Variants in KSR1 observed in about 807,000 individuals in gnomAD.
KSR1 encodes kinase suppressor of ras.
A neutral mutation model predicts 92.9 loss-of-function variants in KSR1; 35 were observed. The ratio of observed to expected loss-of-function variants is 0.38; its 90% CI spans 0.29 to 0.50. KSR1 has a LOEUF of 0.50. Ranked by LOEUF, KSR1 falls within the 20% of genes least tolerant of loss-of-function variation. KSR1 has a pLI of 0.94. For synonymous variants in KSR1, 467 were observed against 472.6 expected (o/e 0.99, Z 0.15); for missense variants, 972 against 1,158.5 (o/e 0.84, Z 2.34).
chr17:27,476,156 G>T (rs941543466), intron 1 of KSR1, among the ~76,000 whole-genome samples: 2 of 152,234 alleles, frequency 1.3e-5, no homozygotes, highest in South Asian at 2.1e-4. Flanking sequence ...CTCCTGCCCC[G>T]GGGGGACCAT....
chr17:27,492,704 G>A (rs1029461502), intron 1 of KSR1, among the ~76,000 whole-genome samples: 25 of 152,150 alleles, frequency 1.6e-4, no homozygotes, highest in African/African-American at 4.6e-4. Flanking sequence ...ATCCCTTCAT[G>A]CTGGCCACCA....
intron 1 of KSR1, among the ~76,000 whole-genome samples, chr17:27,469,993 AGTGTGTGTGT>A (rs145390989): frequency 4.4e-4 from 62 of 139,646 alleles, no homozygotes; most frequent in Middle Eastern, 3.5e-3. Context: ...ATGGAGATGG[AGTGTGTGTGT>A]GTGTGTGTGT....
At chr17:27,458,020 C>G (rs2019262512) in intron 1 of KSR1, among the ~76,000 whole-genome samples, 1 of 151,350 alleles carries the variant, frequency 6.6e-6, no homozygotes, top group Non-Finnish European at 1.5e-5. Flanking sequence ...AAAGCCGAAT[C>G]CTTGTTTGAT....
chr17:27,527,687 C>G (rs917917128), intron 1 of KSR1, among the ~76,000 whole-genome samples: 3 of 152,078 alleles, frequency 2.0e-5, no homozygotes, highest in African/African-American at 7.2e-5. Context: ...GAGCCATGCC[C>G]GGCCTGACTT....
At chr17:27,513,333 G>A (rs1053340534) in intron 1 of KSR1, among the ~76,000 whole-genome samples, 4 of 152,086 alleles carry the variant, frequency 2.6e-5, no homozygotes, top group African/African-American at 9.7e-5. Context: ...GCTCATGTCT[G>A]TAATTCTGAC....
chr17:27,601,390 T>G lies in KSR1; in HGVS notation c.1499T>G (p.Phe500Cys). 1 of 1,613,644 alleles carries G rather than the reference T, an allele frequency of 6.2e-7. No individual in the cohort carries two copies. ...AAYFIHHRQQ[F>C]IFPDISAFAH... ...TACTTCATTCATCATAGACAGCAGT[T>G]TATCTTTCCAGGTGAGTCCTTTGCA... is the stretch of plus-strand genomic sequence containing the variant. The change falls in exon 11 of 21, where the codon TTT (phenylalanine) becomes TGT (cysteine). Residue 500 changes from phenylalanine to cysteine, a missense_variant. Coordinates refer to ENST00000644974, the MANE Select transcript of KSR1 (RefSeq NM_001394583.1).
intron 9 of KSR1, among the ~76,000 whole-genome samples, chr17:27,593,716 G>C (rs116493519): frequency 6.6e-6 from 1 of 152,246 alleles, no homozygotes; most frequent in African/African-American, 2.4e-5. Context: ...GGGAGGCAGC[G>C]GGAAAGATGA....
At chr17:27,558,632 A>C (rs1213690207) in intron 2 of KSR1, among the ~76,000 whole-genome samples, 1 of 151,954 alleles carries the variant, frequency 6.6e-6, no homozygotes, top group African/African-American at 2.4e-5. Context: ...TCACTGCAGG[A>C]TAGAGGTCAG....
intron 1 of KSR1, among the ~76,000 whole-genome samples, chr17:27,504,716 A>G (rs1395158169): frequency 6.6e-6 from 1 of 152,184 alleles, no homozygotes; most frequent in Non-Finnish European, 1.5e-5. Flanking sequence ...GCCTGAGCAG[A>G]TGCTGCCTTA....
chr17:27,582,890 C>T lies in KSR1; in HGVS notation c.765C>T (p.His255=), dbSNP rs772958596. The change falls in exon 4 of 21, where the codon CAC becomes CAT. Residue 255 remains histidine, a synonymous_variant. Transcript: ENST00000644974. ...EGLSDTCIPL[H]ASGRLTPRAL... is the part of the protein sequence containing the mutation. ...TCTCAGACACCTGTATTCCCCTGCA[C>T]GCCAGCGGCCGGCTGACCCCCCGTG... is the stretch of plus-strand genomic sequence containing the variant. 4.0e-5 allele frequency: 65 copies of T among 1,612,736 alleles called. No homozygotes were observed. Among genetic ancestry groups the T allele is most frequent in the South Asian group, 1.4e-4 (13 of 90,946 alleles).
chr17:27,529,038 C>A (rs894739385), intron 1 of KSR1, among the ~76,000 whole-genome samples: 2 of 152,076 alleles, frequency 1.3e-5, no homozygotes, highest in African/African-American at 2.4e-5. Flanking sequence ...AAATGACACC[C>A]GTTCTTTAAA....
intron 9 of KSR1, 131 bp downstream of exon 9, chr17:27,592,757 G>A: frequency 2.8e-6 from 2 of 708,962 alleles, no homozygotes; most frequent in Non-Finnish European, 4.6e-6. Flanking sequence ...GCCAGAGGGT[G>A]GCCTTGGGGA....
Position 27,597,256 on chromosome 17 carries a change from C to T in KSR1, c.1300-12C>T, listed in dbSNP as rs1251981641. 6.4e-7 allele frequency: 1 copy of T among 1,568,050 alleles called. No homozygotes were observed. Among genetic ancestry groups the T allele is most frequent in the Non-Finnish European group, 8.6e-7 (1 of 1,157,512 alleles). On this transcript the variant is annotated splice_polypyrimidine_tract_variant and intron_variant, in intron 9 of 20. Transcript: ENST00000644974. ...GACAGCCCTGCCATTCCCAACATCT[C>T]TGGTCCTGCAGGAGCACCCTCCGGC...
intron 1 of KSR1, among the ~76,000 whole-genome samples, chr17:27,462,874 T>C (rs1192955533): frequency 6.6e-6 from 1 of 152,246 alleles, no homozygotes; most frequent in Admixed American, 6.5e-5. Flanking sequence ...ACCATGTGCA[T>C]TGCCTTGTAA....
intron 1 of KSR1, among the ~76,000 whole-genome samples, chr17:27,495,345 C>G (rs577587021): frequency 2.6e-5 from 4 of 152,276 alleles, no homozygotes; most frequent in Admixed American, 2.6e-4. Flanking sequence ...TGTCTTTATA[C>G]AAGGCTCTGT....
chr17:27,520,695 G>A (rs765052548), intron 1 of KSR1, among the ~76,000 whole-genome samples: 1 of 152,222 alleles, frequency 6.6e-6, no homozygotes, highest in African/African-American at 2.4e-5. Context: ...CAGGCAGGGA[G>A]GCCAGGCTGT....
chr17:27,609,852 CT>C, intron 16 of KSR1: 2 of 517,976 alleles, frequency 3.9e-6, no homozygotes, highest in Non-Finnish European at 6.7e-6. Flanking sequence ...CATTCTTGCC[CT>C]GCTTTTCTAG....
intron 1 of KSR1, among the ~76,000 whole-genome samples, chr17:27,484,917 G>A (rs534070823): frequency 8.5e-5 from 13 of 152,342 alleles, no homozygotes; most frequent in Non-Finnish European, 1.6e-4. Context: ...ATTAGGAAGT[G>A]TATGTGAATA....
At chr17:27,538,562 G>A (rs16966193) in intron 1 of KSR1, among the ~76,000 whole-genome samples, 11,522 of 152,226 alleles carry the variant, frequency 0.076, 506 homozygotes, top group South Asian at 0.16. Context: ...ACCCCATTCC[G>A]GATCAATTAT....
Sources: gnomAD v4.1 joint callset for allele counts (sites outside exome capture counted in the v4.1 genomes callset) on GRCh38, gnomAD v4.1.1 for gene constraint, MANE v1.5 for transcripts, NCBI Gene and HGNC (gene_info 2026-07-23, HGNC 2026-07-21) for gene names.